CCDC9: variants seen among roughly 807,000 people sequenced by gnomAD.
CCDC9 encodes the protein coiled-coil domain-containing protein 9.
Under a neutral mutation model 65.6 loss-of-function variants are expected in CCDC9, and 52 were observed. The ratio of observed to expected loss-of-function variants is 0.79; its 90% CI spans 0.63 to 1.00. The LOEUF (loss-of-function observed/expected upper bound fraction) is 1.00, where lower values mean the gene tolerates loss of function less well. CCDC9 is among the 50% of genes least tolerant of loss of function. The pLI is 0.00. For missense variants in CCDC9, 834 were observed against 757.2 expected (o/e 1.10, Z -1.19); for synonymous variants, 332 against 280.3 (o/e 1.18, Z -1.84).
Position 47,266,706 on chromosome 19 carries a change from G to T in CCDC9, c.816G>T (p.Glu272Asp). The change falls in exon 8 of 12, where the codon GAG (glutamate) becomes GAT (aspartate). Residue 272 changes from glutamate (E) to aspartate (D), a missense_variant. By Grantham distance (45) the Glu-to-Asp change is conservative (BLOSUM62 2). Transcript: ENST00000221922. Reference sequence around the variant, plus strand: ...ACCTGCGCTGGAAGCAGGAGAGGGAGAAGATCGACCAGGAGCGGCTGCAGA... The same window carrying T: ...ACCTGCGCTGGAAGCAGGAGAGGGATAAGATCGACCAGGAGCGGCTGCAGA... ...SEYLRWKQER[E>D]KIDQERLQRH... The T allele has an allele frequency of 6.2e-7, 1 of 1,611,628 alleles. No homozygotes were observed. Among genetic ancestry groups the T allele is most frequent in the Non-Finnish European group, 8.5e-7 (1 of 1,178,900 alleles).
chr19:47,274,098 C>T (rs2059141272), downstream of CCDC9: 2 of 522,220 alleles, frequency 3.8e-6, no homozygotes, highest in African/African-American at 2.1e-5. Flanking sequence ...TAGTCTGGAC[C>T]CCTTGGCTCT....
chr19:47,260,296 C>G, intron 3 of CCDC9, 25 bp from the exon 4 acceptor site: 1 of 1,531,210 alleles, frequency 6.5e-7, no homozygotes, highest in Non-Finnish European at 8.9e-7. Context: ...CCTGATGCTT[C>G]CCTACCCCGG....
chr19:47,275,186 C>T, downstream of CCDC9: 1 of 1,477,012 alleles, frequency 6.8e-7, no homozygotes, highest in Non-Finnish European at 8.9e-7. Flanking sequence ...CGGCGCCCGC[C>T]GCTGCCTCCC....
intron 7 of CCDC9, chr19:47,266,350 C>G: frequency 2.3e-6 from 1 of 432,834 alleles, no homozygotes; most frequent in Non-Finnish European, 4.0e-6. Flanking sequence ...CTGGTGGGAG[C>G]TGAGTAAATG....
intron 9 of CCDC9, 32 bp downstream of exon 9, chr19:47,270,485 C>T (rs373016166): frequency 1.9e-5 from 30 of 1,614,062 alleles, no homozygotes; most frequent in African/African-American, 1.5e-4. Flanking sequence ...AGCTGAGGCT[C>T]GGTCTGGGAG....
At chr19:47,274,036 T>G (rs901491691), downstream of CCDC9, 4 of 934,794 alleles carry the variant, frequency 4.3e-6, no homozygotes, top group Admixed American at 6.2e-5. Flanking sequence ...GGAGGGGGCG[T>G]GAGGAGGGGT....
At chr19:47,267,760 A>C (rs1600287063) in intron 8 of CCDC9, among the ~76,000 whole-genome samples, 1 of 152,198 alleles carries the variant, frequency 6.6e-6, no homozygotes, top group African/African-American at 2.4e-5. Flanking sequence ...TTTAACAGCG[A>C]TTAGACCTTT....
downstream of CCDC9, chr19:47,275,465 C>T (rs1315410418): frequency 1.0e-5 from 14 of 1,361,510 alleles, no homozygotes; most frequent in African/African-American, 7.7e-5. Context: ...CTCAGCGTCT[C>T]TGGAGCCGTC....
At position 47,271,203 on chromosome 19, in the gene CCDC9, G is replaced by T. The variant is rs1403174842; in HGVS notation, c.1191+16G>T. The T allele has an allele frequency of 6.2e-7, 1 of 1,605,654 alleles. No homozygotes were observed. On this transcript the variant is annotated intron_variant, in intron 11 of 11. Transcript: ENST00000221922. ...ACCCATGCAGGTGAGGCTGGGCTGT[G>T]GTTCAGGGCACGGGCCTGGGGTGGG...
intron 8 of CCDC9, among the ~76,000 whole-genome samples, chr19:47,267,295 G>GAC (rs1187162118): frequency 6.6e-6 from 1 of 151,690 alleles, no homozygotes; most frequent in Non-Finnish European, 1.5e-5. Flanking sequence ...TGTTTTTGGA[G>GAC]ACAGAGTCTA....
intron 8 of CCDC9, among the ~76,000 whole-genome samples, chr19:47,269,581 C>T (rs772908104): frequency 3.3e-5 from 5 of 152,130 alleles, no homozygotes; most frequent in South Asian, 2.1e-4. Context: ...TCAGGTGATC[C>T]GCCCACCTGG....
rs1282861964 is a variant in CCDC9 at position 47,271,757 on chromosome 19, G to C, written c.*79G>C. The C allele has an allele frequency of 7.4e-7, 1 of 1,347,724 alleles. No homozygotes were observed. Among genetic ancestry groups the C allele is most frequent in the East Asian group, 2.6e-5 (1 of 38,856 alleles). 83.5% of individuals were successfully genotyped at this position (1,347,724 alleles called of 1,614,324 possible). On this transcript the variant is annotated 3_prime_UTR_variant, in exon 12 of 12. Transcript: ENST00000221922. Reference sequence around the variant, plus strand: ...TGCGCGCGCGCGCGCGCGCGCGCGCGCGCTAGAGGGGTGTGGCTGGTGGGG... The same window carrying C: ...TGCGCGCGCGCGCGCGCGCGCGCGCCCGCTAGAGGGGTGTGGCTGGTGGGG...
chr19:47,268,242 G>A (rs884537), intron 8 of CCDC9, among the ~76,000 whole-genome samples: 66,103 of 151,912 alleles, frequency 0.44, 14,996 homozygotes, highest in East Asian at 0.67. Context: ...TTGCATCATC[G>A]TCATGGGGAC....
intron 3 of CCDC9, among the ~76,000 whole-genome samples, chr19:47,259,565 T>TGCTGAGTAGGTGATGTGGCTCTC: frequency 6.6e-6 from 1 of 152,110 alleles, no homozygotes; most frequent in Non-Finnish European, 1.5e-5. Context: ...AGGACAAGGC[T>TGCTGAGTAGGTGATGTGGCTCTC]GCTGAGTAGG....
chr19:47,259,612 G>A (rs1161965464), intron 3 of CCDC9, among the ~76,000 whole-genome samples: 1 of 152,088 alleles, frequency 6.6e-6, no homozygotes. Context: ...CTGGGAGGTG[G>A]CATGGGTTTC....
intron 7 of CCDC9, 180 bp from the exon 8 acceptor site, chr19:47,266,431 A>C (rs922217683): frequency 1.2e-6 from 1 of 813,798 alleles, no homozygotes; most frequent in African/African-American, 1.8e-5. Flanking sequence ...GGACAGAGGG[A>C]TGCTACTTAG....
At position 47,258,337 on chromosome 19, in the gene CCDC9, C is replaced by A. The variant is rs1465927926; in HGVS notation, c.-64C>A. The A allele has an allele frequency of 4.4e-6, 7 of 1,585,330 alleles. No individual in the cohort carries two copies. The highest frequency in any genetic ancestry group is 1.7e-4 in the Middle Eastern group (1 of 6,010). On this transcript the variant is annotated 5_prime_UTR_variant, in exon 2 of 12. Coordinates refer to ENST00000221922, the MANE Select transcript of CCDC9 (RefSeq NM_015603.3). ...TTTTCCCTCTGTCCCCAGGAACCCTCAGTGCTGCGTCTAGATTCTGCAGGG... is the reference window on the plus strand; with the variant it reads ...TTTTCCCTCTGTCCCCAGGAACCCTAAGTGCTGCGTCTAGATTCTGCAGGG...
rs12985905 is a variant in CCDC9 at position 47,258,389 on chromosome 19, G to C, written c.-12G>C. On this transcript the variant is annotated 5_prime_UTR_variant, in exon 2 of 12. Transcript: ENST00000221922. ...AGGTTTGCTGGGACCTTGGCTCCAC[G>C]CAGCCAGCGAAATGGTGAGGCTGAA... The C allele has an allele frequency of 0.85, 1,374,421 of 1,613,402 alleles. 587,935 individuals carry two copies. The highest frequency in any genetic ancestry group is 1 in the East Asian group (44,865 of 44,878).
intron 3 of CCDC9, among the ~76,000 whole-genome samples, 188 bp from the exon 4 acceptor site, chr19:47,260,133 G>T (rs1020038136): frequency 6.6e-6 from 1 of 152,156 alleles, no homozygotes. Context: ...TACTCAGAGG[G>T]GCACCACAGG....
Sources: gnomAD v4.1 joint callset for allele counts (sites outside exome capture counted in the v4.1 genomes callset) on GRCh38, gnomAD v4.1.1 for gene constraint, MANE v1.5 for transcripts, NCBI Gene and HGNC (gene_info 2026-07-23, HGNC 2026-07-21) for gene names.